Variants in TK2 observed in about 807,000 individuals in gnomAD.
The protein encoded by TK2 is thymidine kinase 2, mitochondrial.
A neutral mutation model predicts 41.9 loss-of-function variants in TK2; 35 were observed. That is an observed-to-expected ratio of 0.84 (90% CI 0.64 to 1.11). The LOEUF is 1.11. TK2 is among the 50% of genes least tolerant of loss of function. The pLI is 0.00. For missense variants in TK2, 320 were observed against 351.1 expected, an observed-to-expected ratio of 0.91 and a Z score of 0.71; for synonymous variants, 128 against 129.1, an observed-to-expected ratio of 0.99 and a Z score of 0.06.
At chr16:66,549,692 C>A (rs756327931) in intron 1 of TK2, 12 of 1,247,180 alleles carry the variant, frequency 9.6e-6, no homozygotes, top group Non-Finnish European at 1.2e-5. Context: ...ATGTTCAGAG[C>A]GTGTCCGTCC....
chr16:66,538,666 A>G (rs993614783), intron 3 of TK2, among the ~76,000 whole-genome samples: 2 of 152,228 alleles, frequency 1.3e-5, no homozygotes, highest in African/African-American at 4.8e-5. Context: ...ACAGAAGCCA[A>G]CATGTTTTCA....
chr16:66,544,133 A>T (rs773493468), intron 2 of TK2, among the ~76,000 whole-genome samples: 18 of 152,162 alleles, frequency 1.2e-4, no homozygotes. Context: ...TATCCCCAGC[A>T]TGAAATCCTG....
intron 8 of TK2, 139 bp downstream of exon 8, chr16:66,516,997 C>T: frequency 2.4e-6 from 2 of 824,270 alleles, no homozygotes; most frequent in Non-Finnish European, 4.3e-6. Flanking sequence ...AGAGTTCACC[C>T]TCTGATACAC....
intron 3 of TK2, among the ~76,000 whole-genome samples, chr16:66,538,476 G>A (rs1053431675): frequency 3.3e-5 from 5 of 152,050 alleles, no homozygotes; most frequent in Admixed American, 6.6e-5. Context: ...CTTGCTCCCC[G>A]ACCCAGCTCA....
intron 6 of TK2, among the ~76,000 whole-genome samples, chr16:66,522,766 A>G (rs761143236): frequency 2.0e-5 from 3 of 152,190 alleles, no homozygotes; most frequent in Non-Finnish European, 4.4e-5. Context: ...CGGGAGGCTG[A>G]GGCAGGAGAA....
chr16:66,544,375 T>C (rs1402366015), intron 2 of TK2, among the ~76,000 whole-genome samples: 1 of 152,338 alleles, frequency 6.6e-6, no homozygotes, highest in African/African-American at 2.4e-5. Context: ...CTATCACCCA[T>C]AATCCCAATA....
At chr16:66,549,645 G>A (rs1965721964) in intron 1 of TK2, 1 of 1,197,112 alleles carries the variant, frequency 8.4e-7, no homozygotes, top group Non-Finnish European at 1.0e-6. Flanking sequence ...AAAGAATCGG[G>A]ACAGGAAATG....
At chr16:66,521,697 T>C (rs554485029) in intron 6 of TK2, among the ~76,000 whole-genome samples, 1 of 152,350 alleles carries the variant, frequency 6.6e-6, no homozygotes, top group African/African-American at 2.4e-5. Flanking sequence ...CTCCTGTGTC[T>C]GTCTCAAGCA....
intron 3 of TK2, among the ~76,000 whole-genome samples, chr16:66,539,905 CA>C: frequency 6.6e-6 from 1 of 152,268 alleles, no homozygotes; most frequent in East Asian, 1.9e-4. Context: ...CAGGTGTCAG[CA>C]TAAACCATAC....
chr16:66,549,650 G>C, intron 1 of TK2: 1 of 1,203,240 alleles, frequency 8.3e-7, no homozygotes, highest in Non-Finnish European at 1.0e-6. Flanking sequence ...ATCGGGACAG[G>C]AAATGGGTCG....
Position 66,517,023 on chromosome 16 carries a change from T to C in TK2, c.618+113A>G. Reference sequence around the variant, plus strand: ...TCTGATACACTTGGTTCCTGTTCTCTCTCTGCAAACAAGGGCACAATGATC... The same window carrying C: ...TCTGATACACTTGGTTCCTGTTCTCCCTCTGCAAACAAGGGCACAATGATC... On this transcript the variant is annotated intron_variant, in intron 8 of 9. Transcript: ENST00000544898. This position sits in a 1 kb window ranked among gnomAD's most constrained non-coding sequence, Gnocchi z 4.3. 1 of 953,164 alleles carries C rather than the reference T, an allele frequency of 1.0e-6. No individual in the cohort carries two copies. Among genetic ancestry groups the C allele is most frequent in the Non-Finnish European group, 1.7e-6 (1 of 580,680 alleles). The allele number at this position is 953,164 out of a possible 1,614,324, so 59.0% of individuals were successfully genotyped here. A position where few individuals can be genotyped will look rare whatever the true frequency, so the allele number is the denominator to read the frequency against.
At chr16:66,541,817 C>A (rs1965464859) in intron 3 of TK2, 62 bp downstream of exon 3, 2 of 1,558,892 alleles carry the variant, frequency 1.3e-6, no homozygotes, top group African/African-American at 1.4e-5. Context: ...TAGTCCACAC[C>A]CTCTATAAAT....
chr16:66,546,149 G>A (rs1430321581), intron 2 of TK2, among the ~76,000 whole-genome samples: 2 of 152,162 alleles, frequency 1.3e-5, no homozygotes, highest in Non-Finnish European at 2.9e-5. Context: ...AGGATCACCT[G>A]AGACCAGGAA....
intron 2 of TK2, among the ~76,000 whole-genome samples, chr16:66,543,080 G>A (rs1965504541): frequency 6.6e-6 from 1 of 152,140 alleles, no homozygotes; most frequent in Non-Finnish European, 1.5e-5. Flanking sequence ...CACCATGTAG[G>A]CCAGGCTGGT....
chr16:66,547,339 C>T (rs898126571), intron 2 of TK2, among the ~76,000 whole-genome samples: 2 of 152,162 alleles, frequency 1.3e-5, no homozygotes, highest in Non-Finnish European at 2.9e-5. Flanking sequence ...TTCCCCACAT[C>T]GCTCCCTGAG....
intron 3 of TK2, among the ~76,000 whole-genome samples, chr16:66,538,050 A>C (rs1965340286): frequency 2.0e-5 from 3 of 152,054 alleles, no homozygotes; most frequent in African/African-American, 7.2e-5. Flanking sequence ...GTAATCCCAG[A>C]TACTCGGGAG....
At chr16:66,542,749 A>T (rs1965495024) in intron 2 of TK2, among the ~76,000 whole-genome samples, 1 of 152,212 alleles carries the variant, frequency 6.6e-6, no homozygotes, top group Non-Finnish European at 1.5e-5. Context: ...AAGGTATTCC[A>T]GGCAGCGGTT....
Position 66,518,965 on chromosome 16 carries a change from T to A in TK2, c.450-1088A>T, listed in dbSNP as rs182922301. Among the ~76,000 whole-genome samples the A allele has an allele frequency of 6.0e-3, 917 of 152,088 alleles. 8 individuals carry two copies. Among genetic ancestry groups the A allele is most frequent in the African/African-American group, 0.02 (829 of 41,530 alleles). On this transcript the variant is annotated intron_variant, in intron 6 of 9. Transcript: ENST00000544898. ...ACATATTTTAGTTTTTATTTATTTT[T>A]TTTTTTTATTTTTTGAGACGTAGTG...
rs1965702137 is a variant in TK2, at chr16:66,549,181, T to C, written c.125-172A>G. On this transcript the variant is annotated intron_variant, in intron 1 of 9. Transcript: ENST00000544898. ...GAGGCGCGCACCACCGTCTCGCCGA[T>C]GTGCCACCCTGGGCTGCAGCTGCAG... The C allele has an allele frequency of 1.0e-5, 15 of 1,475,194 alleles. No individual in the cohort carries two copies. The South Asian group carries it at 1.5e-4, about 15-fold the overall frequency. The allele number at this position is 1,475,194 out of a possible 1,614,324, so 91.4% of individuals were successfully genotyped here.
Sources: gnomAD v4.1 joint callset for allele counts (sites outside exome capture counted in the v4.1 genomes callset) on GRCh38, gnomAD v4.1.1 for gene constraint, Gnocchi (gnomAD v3.1) non-coding constraint, MANE v1.5 for transcripts, NCBI Gene and HGNC (gene_info 2026-07-23, HGNC 2026-07-21) for gene names.